The following HS6ST2 variants were observed in gnomAD, a reference collection of about 807,000 sequenced individuals.
The protein encoded by HS6ST2 is heparan sulfate 6-O-sulfotransferase 2, also known as heparan-sulfate 6-O-sulfotransferase 2.
A neutral mutation model predicts 33.0 loss-of-function variants in HS6ST2; 17 were observed. The ratio of observed to expected loss-of-function variants is 0.52; its 90% CI spans 0.35 to 0.77. The LOEUF is 0.77. Ranked by LOEUF, HS6ST2 falls within the 30% of genes least tolerant of loss-of-function variation. The pLI, the probability that HS6ST2 is intolerant of heterozygous loss-of-function variation, is 0.01. For missense variants in HS6ST2, 519 were observed against 551.7 expected, an observed-to-expected ratio of 0.94 and a Z score of 0.59; for synonymous variants, 248 against 237.1, an observed-to-expected ratio of 1.05 and a Z score of -0.42.
rs1302855676 is a variant in HS6ST2, at chrX:132,626,606, C to A, written c.*1617G>T. Reference sequence around the variant, plus strand: ...TGGCTATATTACTACAGATGAAACACATGAGCAGATTGTACAAGATGTGAC... The same window carrying A: ...TGGCTATATTACTACAGATGAAACAAATGAGCAGATTGTACAAGATGTGAC... On this transcript the variant is annotated 3_prime_UTR_variant, in exon 5 of 5. Coordinates refer to ENST00000370833, the MANE Select transcript of HS6ST2 (RefSeq NM_001394073.1). 2.7e-5 allele frequency: 3 copies of A among 112,299 alleles called. No homozygotes were observed. The highest frequency in any genetic ancestry group is 5.6e-5 in the Non-Finnish European group (3 of 53,247). The allele number at this position is 112,299 out of a possible 1,213,427, so 9.3% of individuals were successfully genotyped here. A position where few individuals can be genotyped will look rare whatever the true frequency, so the allele number is the denominator to read the frequency against.
intron 2 of HS6ST2, among the ~76,000 whole-genome samples, chrX:132,781,565 T>G (rs1219895141): frequency 9.0e-6 from 1 of 111,727 alleles, no homozygotes; most frequent in Admixed American, 9.5e-5. Flanking sequence ...TAGTCCGTTT[T>G]TATACTGCTA....
chrX:132,905,860 TGAAA>T (rs1232481350), intron 2 of HS6ST2, among the ~76,000 whole-genome samples: 1 of 111,747 alleles, frequency 8.9e-6, no homozygotes, highest in Non-Finnish European at 1.9e-5. Context: ...ACTGTGTCTA[TGAAA>T]AAATGTTTTT....
chrX:132,803,304 A>G (rs921983229), intron 2 of HS6ST2, among the ~76,000 whole-genome samples: 1 of 111,872 alleles, frequency 8.9e-6, no homozygotes, highest in African/African-American at 3.3e-5. Flanking sequence ...TAGCTCTGCC[A>G]TATCTGCAAG....
chrX:132,943,051 T>C (rs1444178797), intron 2 of HS6ST2, among the ~76,000 whole-genome samples: 3 of 112,175 alleles, frequency 2.7e-5, no homozygotes, highest in Non-Finnish European at 5.6e-5. Context: ...GTATTTGAAA[T>C]AACTTCGGCA....
rs377112760 is a variant in HS6ST2, at chrX:132,665,525, G to C, written c.1067+3588C>G. 3.6e-5 allele frequency among the ~76,000 whole-genome samples: 4 copies of C among 111,698 alleles called. No homozygotes were observed. In the East Asian group the frequency reaches 1.1e-3, roughly 31 times the overall value. On this transcript the variant is annotated intron_variant, in intron 4 of 4. Coordinates refer to ENST00000370833, the MANE Select transcript of HS6ST2 (RefSeq NM_001394073.1). Reference sequence around the variant, plus strand: ...ATGAACATTATAAAGGCTCTTGGTGGCTACTACACATGCCCAGCTTTGACA... The same window carrying C: ...ATGAACATTATAAAGGCTCTTGGTGCCTACTACACATGCCCAGCTTTGACA...
At position 132,632,131 on chromosome X, in the gene HS6ST2, C is replaced by T. The variant is rs145494990; in HGVS notation, c.1068-3038G>A. ...CTGCAGCAGAGAAGTTAGAGGGGCA[C>T]ACACATACACACACTGCTGCCTTGG... On this transcript the variant is annotated intron_variant, in intron 4 of 4. Transcript: ENST00000370833. Among the ~76,000 whole-genome samples, 582 of 110,955 alleles carry T rather than the reference C, an allele frequency of 5.2e-3. 5 individuals carry two copies. Among genetic ancestry groups the T allele is most frequent in the African/African-American group, 0.018 (561 of 30,507 alleles).
At chrX:132,658,983 C>T (rs1396193993) in intron 4 of HS6ST2, among the ~76,000 whole-genome samples, 1 of 111,399 alleles carries the variant, frequency 9.0e-6, no homozygotes, top group Non-Finnish European at 1.9e-5. Flanking sequence ...TCATCTCCTC[C>T]TCTACTCAAC....
chrX:132,957,976 C>T (rs184258455), intron 1 of HS6ST2, among the ~76,000 whole-genome samples, 199 bp downstream of exon 1: 1 of 112,017 alleles, frequency 8.9e-6, no homozygotes, highest in Admixed American at 9.3e-5. Flanking sequence ...GCTGCGCTGC[C>T]GGTGCCCGCG....
chrX:132,794,582 T>TTATTAC (rs2065157265), intron 2 of HS6ST2, among the ~76,000 whole-genome samples: 1 of 106,147 alleles, frequency 9.4e-6, no homozygotes, highest in Admixed American at 1.0e-4. Flanking sequence ...ATGATTATTA[T>TTATTAC]TATTATTATT....
chrX:132,658,602 T>C (rs1189394989), intron 4 of HS6ST2, among the ~76,000 whole-genome samples: 1 of 112,416 alleles, frequency 8.9e-6, no homozygotes, highest in Non-Finnish European at 1.9e-5. Flanking sequence ...ATCATGGTTC[T>C]ACCACTTACT....
chrX:132,760,894 A>G (rs1408132198), intron 2 of HS6ST2, among the ~76,000 whole-genome samples: 1 of 111,802 alleles, frequency 8.9e-6, no homozygotes, highest in African/African-American at 3.3e-5. Context: ...AAAAACAAAA[A>G]CATATGTAAG....
chrX:132,689,894 T>G (rs1251730984), intron 3 of HS6ST2, among the ~76,000 whole-genome samples: 1 of 111,321 alleles, frequency 9.0e-6, no homozygotes, highest in Non-Finnish European at 1.9e-5. Context: ...TCGCTTTTTT[T>G]TTTAAGCTTA....
intron 3 of HS6ST2, among the ~76,000 whole-genome samples, chrX:132,682,514 A>G (rs1294330918): frequency 1.8e-5 from 2 of 112,117 alleles, no homozygotes; most frequent in Non-Finnish European, 3.8e-5. Flanking sequence ...GCTGCCTCAA[A>G]AGGATATAAA....
intron 2 of HS6ST2, among the ~76,000 whole-genome samples, chrX:132,752,999 G>A (rs1170489606): frequency 1.8e-5 from 2 of 112,459 alleles, no homozygotes; most frequent in Non-Finnish European, 3.8e-5. Context: ...AATGCTCTTT[G>A]CGAGGATGGC....
At chrX:132,681,848 C>T (rs2063974142) in intron 3 of HS6ST2, among the ~76,000 whole-genome samples, 2 of 111,952 alleles carry the variant, frequency 1.8e-5, no homozygotes, top group Admixed American at 9.5e-5. Context: ...ACCTGGTGTC[C>T]ACTCATTTCT....
chrX:132,855,650 A>G (rs1009634104), intron 2 of HS6ST2, among the ~76,000 whole-genome samples: 3 of 111,696 alleles, frequency 2.7e-5, no homozygotes, highest in African/African-American at 9.7e-5. Context: ...AATAATAAAC[A>G]GTTCCCAGCC....
intron 2 of HS6ST2, among the ~76,000 whole-genome samples, chrX:132,733,879 A>G (rs951504293): frequency 9.2e-6 from 1 of 108,727 alleles, no homozygotes; most frequent in Non-Finnish European, 1.9e-5. Context: ...AGATTAAGCT[A>G]CTTACCCACG....
At chrX:132,914,528 G>T (rs2066565868) in intron 2 of HS6ST2, among the ~76,000 whole-genome samples, 1 of 112,549 alleles carries the variant, frequency 8.9e-6, no homozygotes, top group Non-Finnish European at 1.9e-5. Context: ...ATAATTGTGT[G>T]TTTAGTTATT....
At chrX:132,767,698 C>T (rs904196449) in intron 2 of HS6ST2, among the ~76,000 whole-genome samples, 12 of 111,290 alleles carry the variant, frequency 1.1e-4, no homozygotes, top group East Asian at 2.8e-4. Flanking sequence ...CCTGCCAGGC[C>T]GCCACTCCTC....
Sources: gnomAD v4.1 joint callset for allele counts (sites outside exome capture counted in the v4.1 genomes callset) on GRCh38, gnomAD v4.1.1 for gene constraint, MANE v1.5 for transcripts, NCBI Gene and HGNC (gene_info 2026-07-23, HGNC 2026-07-21) for gene names.